The following TCF12 variants were observed in gnomAD, a reference collection of about 807,000 sequenced individuals.
The protein encoded by TCF12 is transcription factor 12.
A neutral mutation model predicts 86.0 loss-of-function variants in TCF12; 45 were observed. That is an observed-to-expected ratio of 0.52 (90% CI 0.41 to 0.67). The LOEUF (loss-of-function observed/expected upper bound fraction) is 0.67. Ranked by LOEUF, TCF12 falls within the 30% of genes least tolerant of loss-of-function variation. The pLI is 0.00. For synonymous variants in TCF12, 330 were observed against 299.6 expected, an observed-to-expected ratio of 1.10 and a Z score of -1.05; for missense variants, 881 against 859.9, an observed-to-expected ratio of 1.02 and a Z score of -0.31.
chr15:57,247,694 G>T lies in TCF12; in HGVS notation c.1115-3656G>T. ...TTTCCTCACTGTTAGATGGGCACCA[G>T]ACTTTACAGAATCCTCTATAGAAAG... is the stretch of plus-strand genomic sequence containing the variant. On this transcript the variant is annotated intron_variant, in intron 13 of 20. Coordinates refer to ENST00000333725, the MANE Select transcript of TCF12 (RefSeq NM_207037.2). 8.1e-6 allele frequency: 6 copies of T among 745,154 alleles called. No homozygotes were observed. The South Asian group carries it at 8.4e-5, about 10-fold the overall frequency. 46.2% of individuals were successfully genotyped at this position (745,154 alleles called of 1,614,324 possible).
intron 5 of TCF12, among the ~76,000 whole-genome samples, chr15:57,148,675 G>A (rs1248628311): frequency 7.1e-6 from 1 of 140,954 alleles, no homozygotes; most frequent in Non-Finnish European, 1.5e-5. Flanking sequence ...GAGTCTAGGA[G>A]TTCGAGACCA....
chr15:56,947,835 C>A (rs1378569147), intron 3 of TCF12, among the ~76,000 whole-genome samples: 1 of 152,138 alleles, frequency 6.6e-6, no homozygotes, highest in Non-Finnish European at 1.5e-5. Context: ...TCAGGTATTA[C>A]AATGCAATGT....
intron 19 of TCF12, among the ~76,000 whole-genome samples, chr15:57,277,975 C>G (rs949131568): frequency 2.4e-4 from 36 of 151,842 alleles, no homozygotes; most frequent in Non-Finnish European, 7.4e-5. Flanking sequence ...ATATGCAAAT[C>G]CTTTAAAAAT....
intron 3 of TCF12, among the ~76,000 whole-genome samples, chr15:56,938,160 T>C (rs1309574432): frequency 6.6e-6 from 1 of 151,496 alleles, no homozygotes; most frequent in Admixed American, 6.6e-5. Flanking sequence ...TTTTTGTTTC[T>C]TTTCTTTTTC....
rs532169637 is a variant in TCF12 at position 57,013,629 on chromosome 15, G to A, written c.149-50121G>A. 3.9e-5 allele frequency among the ~76,000 whole-genome samples: 6 copies of A among 152,268 alleles called. No homozygotes were observed. In the South Asian group the frequency reaches 1.2e-3, roughly 32 times the overall value. ...AGCCACTGCCTCTGGCCCAGTTGAAGTGTTTCAAAAGTCCTGTAGCTCATG... is the reference window on the plus strand; with the variant it reads ...AGCCACTGCCTCTGGCCCAGTTGAAATGTTTCAAAAGTCCTGTAGCTCATG... On this transcript the variant is annotated intron_variant, in intron 3 of 20. Transcript: ENST00000333725.
intron 5 of TCF12, among the ~76,000 whole-genome samples, chr15:57,153,603 C>A (rs566655329): frequency 1.3e-5 from 2 of 152,008 alleles, no homozygotes; most frequent in African/African-American, 4.8e-5. Flanking sequence ...TAACAGTAAT[C>A]TAAAAGATGG....
At chr15:57,181,014 C>G (rs2056311502) in intron 6 of TCF12, among the ~76,000 whole-genome samples, 1 of 151,680 alleles carries the variant, frequency 6.6e-6, no homozygotes, top group East Asian at 2.0e-4. Flanking sequence ...CAGGGTTTCA[C>G]TGTGTTAGCC....
At chr15:57,176,155 A>G (rs2055894071) in intron 6 of TCF12, among the ~76,000 whole-genome samples, 1 of 152,148 alleles carries the variant, frequency 6.6e-6, no homozygotes, top group Non-Finnish European at 1.5e-5. Context: ...CTATAATCGC[A>G]TCATTGCACT....
intron 5 of TCF12, among the ~76,000 whole-genome samples, chr15:57,148,411 T>TAAAA (rs71113069): frequency 6.9e-6 from 1 of 144,754 alleles, no homozygotes. Context: ...AGACTTTGTT[T>TAAAA]AAAAAAAAAA....
At chr15:56,924,807 A>G (rs2140206373) in intron 3 of TCF12, among the ~76,000 whole-genome samples, 1 of 152,306 alleles carries the variant, frequency 6.6e-6, no homozygotes, top group African/African-American at 2.4e-5. Context: ...TCTTTTAGAG[A>G]AAACCTGTTT....
chr15:57,012,790 G>C (rs2064910801), intron 3 of TCF12, among the ~76,000 whole-genome samples: 1 of 152,196 alleles, frequency 6.6e-6, no homozygotes, highest in South Asian at 2.1e-4. Context: ...CCTCCATTAA[G>C]GGGAACTTGG....
chr15:57,021,585 G>T (rs1444921259), intron 3 of TCF12, among the ~76,000 whole-genome samples: 1 of 152,190 alleles, frequency 6.6e-6, no homozygotes, highest in Non-Finnish European at 1.5e-5. Flanking sequence ...ATATAGGGCA[G>T]CACCAAGGAT....
chr15:56,957,593 A>G (rs775779331), intron 3 of TCF12, among the ~76,000 whole-genome samples: 13 of 152,142 alleles, frequency 8.5e-5, no homozygotes, highest in Non-Finnish European at 1.6e-4. Context: ...GTCTCTAAAC[A>G]TTTTGAACAT....
At chr15:57,186,422 C>G (rs577930151) in intron 6 of TCF12, among the ~76,000 whole-genome samples, 1 of 152,244 alleles carries the variant, frequency 6.6e-6, no homozygotes, top group South Asian at 2.1e-4. Context: ...TCACATGAGC[C>G]TGGGAGGTCA....
chr15:57,063,840 ACC>A lies in TCF12; in HGVS notation c.222+19_222+20del, dbSNP rs775722371. On this transcript the variant is annotated intron_variant, in intron 4 of 20. Transcript: ENST00000333725. The stretch of plus-strand genomic sequence containing the variant: ...TCATCTAGAGTAAGTTTGCTGATCA[ACC>A]CTTGATTAAAGCTGTAATTTGGCAG... 1 of 1,552,788 alleles carries A rather than the reference ACC, an allele frequency of 6.4e-7. No homozygotes were observed. The highest frequency in any genetic ancestry group is 1.3e-5 in the African/African-American group (1 of 74,084).
At chr15:57,281,079 T>G (rs1274606286) in intron 19 of TCF12, among the ~76,000 whole-genome samples, 1 of 151,524 alleles carries the variant, frequency 6.6e-6, no homozygotes, top group Admixed American at 6.6e-5. Context: ...TTCTTTCCCT[T>G]TATTTCTCAC....
intron 5 of TCF12, among the ~76,000 whole-genome samples, chr15:57,165,915 G>T (rs1449472103): frequency 1.3e-5 from 2 of 152,180 alleles, no homozygotes; most frequent in African/African-American, 2.4e-5. Context: ...ATTCTAACTA[G>T]TGGGTACATG....
chr15:57,195,379 T>C (rs1389208680), intron 7 of TCF12, among the ~76,000 whole-genome samples: 2 of 152,208 alleles, frequency 1.3e-5, no homozygotes, highest in African/African-American at 4.8e-5. Flanking sequence ...CTTTTACTAA[T>C]AATGACCTCT....
chr15:57,054,024 A>T (rs2067816030), intron 3 of TCF12, among the ~76,000 whole-genome samples: 1 of 152,194 alleles, frequency 6.6e-6, no homozygotes, highest in Non-Finnish European at 1.5e-5. Context: ...TGATGAATAT[A>T]AATTTTTCTT....
Sources: gnomAD v4.1 joint callset for allele counts (sites outside exome capture counted in the v4.1 genomes callset) on GRCh38, gnomAD v4.1.1 for gene constraint, MANE v1.5 for transcripts, NCBI Gene and HGNC (gene_info 2026-07-23, HGNC 2026-07-21) for gene names.